STARD13: variants seen among roughly 807,000 people sequenced by gnomAD.
The protein encoded by STARD13 is StAR related lipid transfer domain containing 13.
In STARD13, 62 loss-of-function variants were observed where a neutral mutation model predicts 106.4. The ratio of observed to expected loss-of-function variants is 0.58; its 90% confidence interval spans 0.48 to 0.72. The LOEUF is 0.72. Among genes scored for constraint, STARD13 ranks in the 30% least tolerant of loss-of-function variants. The probability of loss-of-function intolerance (pLI) is 0.00; values close to 1 mark genes in which losing one functional copy is unlikely to be tolerated. For missense variants in STARD13, 1,387 were observed against 1,424.0 expected (o/e 0.97, Z 0.42); for synonymous variants, 565 against 553.0 (o/e 1.02, Z -0.31).
At chr13:33,468,191 C>T in the STARD13 span, among the ~76,000 whole-genome samples, 1 of 152,124 alleles carries the variant, frequency 6.6e-6, no homozygotes, top group African/African-American at 2.4e-5. Flanking sequence ...TATTCTAAAT[C>T]GGAATTTATA....
At chr13:33,285,078 A>T (rs1891989120) in intron 1 of STARD13, among the ~76,000 whole-genome samples, 1 of 152,174 alleles carries the variant, frequency 6.6e-6, no homozygotes. Context: ...GGCAGGGTGG[A>T]CATTAGTCCC....
At chr13:33,662,476 G>T in the STARD13 span, among the ~76,000 whole-genome samples, 1 of 152,176 alleles carries the variant, frequency 6.6e-6, no homozygotes, top group Non-Finnish European at 1.5e-5. Context: ...TTCCCAAACA[G>T]CCTTGTTGGA....
At chr13:33,252,151 T>C (rs1245779226) in intron 1 of STARD13, among the ~76,000 whole-genome samples, 1 of 152,258 alleles carries the variant, frequency 6.6e-6, no homozygotes, top group Non-Finnish European at 1.5e-5. Context: ...ATTCTGGTTA[T>C]GTATATGATG....
intron 2 of STARD13, among the ~76,000 whole-genome samples, chr13:33,165,770 T>G (rs1319297514): frequency 6.6e-6 from 1 of 152,228 alleles, no homozygotes; most frequent in African/African-American, 2.4e-5. Context: ...CTGGCGTCTA[T>G]CTTGATGGTT....
At chr13:33,519,240 C>A in the STARD13 span, among the ~76,000 whole-genome samples, 5 of 150,390 alleles carry the variant, frequency 3.3e-5, no homozygotes, top group East Asian at 2.0e-4. Context: ...TTCTTTCTTT[C>A]TTTCTTTCTT....
the STARD13 span, among the ~76,000 whole-genome samples, chr13:33,531,478 A>AGT: frequency 6.6e-6 from 1 of 152,298 alleles, no homozygotes; most frequent in Non-Finnish European, 1.5e-5. Flanking sequence ...AGACCCTGGT[A>AGT]GTGTTTGATA....
At chr13:33,327,152 A>T (rs1370063443) in intron 1 of STARD13, among the ~76,000 whole-genome samples, 1 of 152,222 alleles carries the variant, frequency 6.6e-6, no homozygotes, top group Admixed American at 6.5e-5. Flanking sequence ...CAATCTTAGA[A>T]TACCACACTA....
At chr13:33,297,107 C>T (rs961605231) in intron 1 of STARD13, among the ~76,000 whole-genome samples, 9 of 152,338 alleles carry the variant, frequency 5.9e-5, no homozygotes, top group African/African-American at 2.2e-4. Flanking sequence ...ACAGAGACTC[C>T]TGAGATTTTT....
Position 33,278,562 on chromosome 13 carries a change from T to A in STARD13, c.169+6908A>T, listed in dbSNP as rs532004804. On this transcript the variant is annotated intron_variant, in intron 1 of 13. Transcript: ENST00000336934. ...GCATGGTTGAAGGCACCATTCACTA[T>A]AGCTTGCAGTGTTCCCTTTATGAGA... is the stretch of plus-strand genomic sequence containing the variant. 6 of 152,308 alleles carry A rather than the reference T, an allele frequency of 3.9e-5. No homozygotes were observed. In the East Asian group the frequency reaches 1.2e-3, roughly 29 times the overall value. 9.4% of individuals were successfully genotyped at this position (152,308 alleles called of 1,614,324 possible). A position where few individuals can be genotyped will look rare whatever the true frequency, so the allele number is the denominator to read the frequency against.
the STARD13 span, chr13:33,520,131 A>C: frequency 6.6e-6 from 1 of 152,174 alleles, no homozygotes; most frequent in African/African-American, 2.4e-5. Flanking sequence ...AGACAGAGGA[A>C]ACATGTGATC....
At chr13:33,278,760 C>T (rs1891591482) in intron 1 of STARD13, 1 of 152,126 alleles carries the variant, frequency 6.6e-6, no homozygotes, top group African/African-American at 2.4e-5. Flanking sequence ...AAATTTGCAG[C>T]CCATTTTTGA....
At chr13:33,208,663 C>T (rs1566075027) in intron 1 of STARD13, among the ~76,000 whole-genome samples, 1 of 152,044 alleles carries the variant, frequency 6.6e-6, no homozygotes, top group African/African-American at 2.4e-5. Context: ...GCAGATGGCT[C>T]CACTCAGGAG....
the STARD13 span, among the ~76,000 whole-genome samples, chr13:33,461,058 G>T: frequency 6.6e-6 from 1 of 152,324 alleles, no homozygotes; most frequent in South Asian, 2.1e-4. Flanking sequence ...GTGACAGAAA[G>T]GTGGTCTGTG....
chr13:33,338,283 G>C (rs140360757), intron 1 of STARD13, among the ~76,000 whole-genome samples: 1 of 152,202 alleles, frequency 6.6e-6, no homozygotes, highest in African/African-American at 2.4e-5. Context: ...TTAGACTCAC[G>C]GTCTAGTTTT....
In STARD13 at chr13:33,130,889, T is replaced by C. The variant is rs1878190834; in HGVS notation, c.388-600A>G. 6.6e-6 allele frequency among the ~76,000 whole-genome samples: 1 copy of C among 152,212 alleles called. No individual in the cohort carries two copies. Among genetic ancestry groups the C allele is most frequent in the Admixed American group, 6.5e-5 (1 of 15,286 alleles). On this transcript the variant is annotated intron_variant, in intron 4 of 13. Transcript: ENST00000336934. The surrounding 1 kb of genome is among the most constrained non-coding windows in gnomAD (Gnocchi z 4.1). ...TCTTTAAGTAGAGATGAGGGAGCCA[T>C]TCTGGAGATCGCTATTTGTGATCCA... is the stretch of plus-strand genomic sequence containing the variant.
At chr13:33,509,908 T>C in the STARD13 span, among the ~76,000 whole-genome samples, 1 of 152,278 alleles carries the variant, frequency 6.6e-6, no homozygotes, top group African/African-American at 2.4e-5. Context: ...CGCATAGCTG[T>C]GCAGGACAAT....
the STARD13 span, among the ~76,000 whole-genome samples, chr13:33,370,868 A>G: frequency 0.3 from 44,968 of 151,488 alleles, 8,671 homozygotes; most frequent in African/African-American, 0.54. Context: ...TGATCCTCCC[A>G]CCTCGGCCTC....
intron 1 of STARD13, among the ~76,000 whole-genome samples, chr13:33,350,085 G>A (rs1303373119): frequency 6.6e-6 from 1 of 152,130 alleles, no homozygotes; most frequent in Non-Finnish European, 1.5e-5. Context: ...GTCCGGCACG[G>A]AGCCCACACC....
At chr13:33,597,699 A>T in the STARD13 span, among the ~76,000 whole-genome samples, 3 of 151,238 alleles carry the variant, frequency 2.0e-5, no homozygotes, top group Non-Finnish European at 2.9e-5. Context: ...AAAAAAAAAT[A>T]GAAAAATTAG....
Sources: gnomAD v4.1 joint callset for allele counts (sites outside exome capture counted in the v4.1 genomes callset) on GRCh38, gnomAD v4.1.1 for gene constraint, Gnocchi (gnomAD v3.1) non-coding constraint, MANE v1.5 for transcripts, NCBI Gene and HGNC (gene_info 2026-07-23, HGNC 2026-07-21) for gene names.